Variants in ANKRD24 observed in about 807,000 individuals in gnomAD.
ANKRD24 encodes the protein ankyrin repeat domain 24.
In ANKRD24, 109 loss-of-function variants were observed where a neutral mutation model predicts 127.8. The ratio of observed to expected loss-of-function variants is 0.85; its 90% CI spans 0.73 to 1.00. The LOEUF (loss-of-function observed/expected upper bound fraction) is 1.00, where lower values mean the gene tolerates loss of function less well. ANKRD24 is among the 50% of genes least tolerant of loss of function. The pLI is 0.00. For missense variants in ANKRD24, 1,648 were observed against 1,570.2 expected (o/e 1.05, Z -0.84); for synonymous variants, 743 against 671.1 (o/e 1.11, Z -1.66).
In ANKRD24 at chr19:4,186,372, C is replaced by A. The variant is rs1453872329; in HGVS notation, c.-36-18C>A. 1.3e-6 allele frequency: 2 copies of A among 1,560,116 alleles called. No homozygotes were observed. The highest frequency in any genetic ancestry group is 1.7e-6 in the Non-Finnish European group (2 of 1,152,342). On this transcript the variant is annotated intron_variant, in intron 1 of 21. Transcript: ENST00000318934. ...GGACTGGTGTCCCTCACCTTACCCC[C>A]ACCCTTGCCCTCCTCAGGTGGCCTG... is the stretch of plus-strand genomic sequence containing the variant.
Position 4,196,906 on chromosome 19 carries a change from G to A in ANKRD24, c.37-2777G>A, listed in dbSNP as rs186648859. ...AGGAACCCAAGGCCCCTCCTCTACC[G>A]GAGGAGCCGTGGGTCCCAGGAGTGG... On this transcript the variant is annotated intron_variant, in intron 2 of 21. Coordinates refer to ENST00000318934, the MANE Select transcript of ANKRD24 (RefSeq NM_001393985.1). Among the ~76,000 whole-genome samples the A allele has an allele frequency of 3.7e-4, 57 of 152,268 alleles. 1 individual carries two copies. The highest frequency in any genetic ancestry group is 1.3e-3 in the African/African-American group (54 of 41,552).
At position 4,222,760 on chromosome 19, in the gene ANKRD24, C is replaced by T. The variant is rs200661989; in HGVS notation, c.3262C>T (p.Arg1088Cys). ...ALATPEVEAL[R>C]DQVKDLQQQL... is the part of the protein sequence containing the mutation. ...CGCCACCCCTGAGGTGGAGGCTCTC[C>T]GTGACCAGGTGAAGGATTTACAGCA... The change falls in exon 20 of 22, where the codon CGT (arginine) becomes TGT (cysteine). Residue 1088 changes from arginine (R) to cysteine (C), a missense_variant. Arg to Cys is a radical substitution (Grantham distance 180). Transcript: ENST00000318934. 3.9e-5 allele frequency: 63 copies of T among 1,611,052 alleles called. No homozygotes were observed. In the African/African-American group the frequency reaches 4.1e-4, roughly 11 times the overall value.
In ANKRD24 at chr19:4,224,694, A is replaced by C. The variant is rs924231308; in HGVS notation, c.*189A>C. ...ATCACCCCACCTGGTCTCTGCACGC[A>C]CACACTGGTCAGTCTGGACCCGGGC... On this transcript the variant is annotated 3_prime_UTR_variant, in exon 22 of 22. Coordinates refer to ENST00000318934, the MANE Select transcript of ANKRD24 (RefSeq NM_001393985.1). The C allele has an allele frequency of 2.8e-4, 175 of 626,728 alleles. No individual in the cohort carries two copies. The highest frequency in any genetic ancestry group is 4.7e-4 in the Non-Finnish European group (164 of 351,208). The allele number at this position is 626,728 out of a possible 1,614,324, so 38.8% of individuals were successfully genotyped here.
At position 4,210,139 on chromosome 19, in the gene ANKRD24, G is replaced by A. The variant is rs1157656739; in HGVS notation, c.951+1G>A. 3.7e-6 allele frequency: 6 copies of A among 1,606,392 alleles called. No individual in the cohort carries two copies. Among genetic ancestry groups the A allele is most frequent in the Non-Finnish European group, 5.1e-6 (6 of 1,176,884 alleles). On this transcript the variant is annotated splice_donor_variant, in intron 12 of 21. Coordinates refer to ENST00000318934, the MANE Select transcript of ANKRD24 (RefSeq NM_001393985.1). LOFTEE classifies it high-confidence loss of function. ...ACCTCCCGCCAGCATTCCCATGCCG[G>A]TGAGAGATGCTCTGGGCACGGGAGG...
intron 7 of ANKRD24, 113 bp downstream of exon 7, chr19:4,203,039 C>T (rs961273737): frequency 1.9e-5 from 16 of 829,724 alleles, no homozygotes; most frequent in Non-Finnish European, 2.7e-5. Flanking sequence ...CCTGTCTCCT[C>T]CTTTCTTTCT....
chr19:4,207,027 G>A (rs1053209502), intron 7 of ANKRD24: 2 of 582,714 alleles, frequency 3.4e-6, no homozygotes, highest in East Asian at 2.9e-5. Context: ...CGCTTCAGCT[G>A]GGGACTCCCT....
At chr19:4,196,331 C>T (rs1968732720) in intron 2 of ANKRD24, among the ~76,000 whole-genome samples, 1 of 126,764 alleles carries the variant, frequency 7.9e-6, no homozygotes, top group Non-Finnish European at 1.8e-5. Flanking sequence ...TCTGGAAGAC[C>T]TCGGTTTTGT....
chr19:4,224,312 G>A lies in ANKRD24; in HGVS notation c.3364-116G>A. 3 of 1,414,900 alleles carry A rather than the reference G, an allele frequency of 2.1e-6. No homozygotes were observed. In the South Asian group the frequency reaches 3.8e-5, roughly 18 times the overall value. The allele number at this position is 1,414,900 out of a possible 1,614,324, so 87.6% of individuals were successfully genotyped here. On this transcript the variant is annotated intron_variant, in intron 21 of 21. Transcript: ENST00000318934. Reference sequence around the variant, plus strand: ...TCTGGGGAGAGGTTCGTGGCATGTGGGAGCCCCCCTGTGTGCATTTCCCTC... The same window carrying A: ...TCTGGGGAGAGGTTCGTGGCATGTGAGAGCCCCCCTGTGTGCATTTCCCTC...
Position 4,216,290 on chromosome 19 carries a change from A to T in ANKRD24, c.1277A>T (p.Glu426Val). 6.4e-7 allele frequency: 1 copy of T among 1,553,540 alleles called. No individual in the cohort carries two copies. Among genetic ancestry groups the T allele is most frequent in the Non-Finnish European group, 8.7e-7 (1 of 1,148,278 alleles). The change falls in exon 17 of 22, where the codon GAG (glutamate) becomes GTG (valine). Residue 426 changes from glutamate to valine, a missense_variant. Glu to Val is a moderately radical substitution (Grantham distance 121). Coordinates refer to ENST00000318934, the MANE Select transcript of ANKRD24 (RefSeq NM_001393985.1). ...ACTCTGCGTCCCCCTCCAGGGGCCG[A>T]GGTGCTGCTGTCCAGACAACTCAGT... is the stretch of plus-strand genomic sequence containing the variant. ...EGELPDLPGA[E>V]VLLSRQLSPS...
chr19:4,185,093 C>A (rs1364575681), intron 1 of ANKRD24, among the ~76,000 whole-genome samples: 1 of 114,652 alleles, frequency 8.7e-6, no homozygotes, highest in Admixed American at 8.7e-5. Context: ...ATTGGGTGGG[C>A]AGATGGGTGG....
intron 10 of ANKRD24, 77 bp downstream of exon 10, chr19:4,208,045 G>C (rs998882908): frequency 7.3e-6 from 10 of 1,363,194 alleles, no homozygotes; most frequent in Non-Finnish European, 8.7e-6. Flanking sequence ...ATCGTGAATA[G>C]TTTCAAGGTA....
At chr19:4,207,192 G>A (rs757969630) in intron 7 of ANKRD24, 50 bp from the exon 8 acceptor site, 5 of 1,565,756 alleles carry the variant, frequency 3.2e-6, no homozygotes, top group Non-Finnish European at 4.4e-6. Flanking sequence ...CCAAGGTGCT[G>A]GGATTACAGG....
At chr19:4,200,745 C>T (rs1969053799) in intron 5 of ANKRD24, among the ~76,000 whole-genome samples, 1 of 152,070 alleles carries the variant, frequency 6.6e-6, no homozygotes, top group Non-Finnish European at 1.5e-5. Flanking sequence ...CGGTCTTGAA[C>T]TCCTGGGCTC....
At position 4,195,134 on chromosome 19, in the gene ANKRD24, A is replaced by G. The variant is rs989909901; in HGVS notation, c.37-4549A>G. Reference sequence around the variant, plus strand: ...GTCACCCAGGTTGGAGTGCAGTGGCACGACTTCTGCTCACTGCAAGCTCCG... The same window carrying G: ...GTCACCCAGGTTGGAGTGCAGTGGCGCGACTTCTGCTCACTGCAAGCTCCG... On this transcript the variant is annotated intron_variant, in intron 2 of 21. Coordinates refer to ENST00000318934, the MANE Select transcript of ANKRD24 (RefSeq NM_001393985.1). This position sits in a 1 kb window ranked among gnomAD's most constrained non-coding sequence, Gnocchi z 4.2. Among the ~76,000 whole-genome samples the G allele has an allele frequency of 1.5e-4, 22 of 150,738 alleles. 1 individual carries two copies. Among genetic ancestry groups the G allele is most frequent in the South Asian group, 1.2e-3 (6 of 4,814 alleles).
chr19:4,209,475 A>C (rs1322639603), intron 11 of ANKRD24, among the ~76,000 whole-genome samples: 1 of 147,698 alleles, frequency 6.8e-6, no homozygotes, highest in Non-Finnish European at 1.5e-5. Context: ...TGAGAGATGG[A>C]GTCTCGCCCT....
At chr19:4,191,010 A>G (rs1968353832) in intron 2 of ANKRD24, among the ~76,000 whole-genome samples, 1 of 152,142 alleles carries the variant, frequency 6.6e-6, no homozygotes, top group Admixed American at 6.6e-5. Context: ...GGTCGGGACA[A>G]AGTCAAAATT....
chr19:4,204,032 C>T (rs1246575477), intron 7 of ANKRD24, among the ~76,000 whole-genome samples: 2 of 133,606 alleles, frequency 1.5e-5, no homozygotes, highest in African/African-American at 5.5e-5. Flanking sequence ...GGCGTGATCT[C>T]GGCTCACTGC....
rs769916452 is a variant in ANKRD24, at chr19:4,219,772, C to G, written c.3171+14C>G. 6.3e-7 allele frequency: 1 copy of G among 1,587,466 alleles called. No homozygotes were observed. Among genetic ancestry groups the G allele is most frequent in the South Asian group, 1.1e-5 (1 of 88,850 alleles). The stretch of plus-strand genomic sequence containing the variant: ...AAGGACAAGAAGGTGGGTGCCCCCT[C>G]TCCCACACTCAGTCAGGGAGGCATC... On this transcript the variant is annotated intron_variant, in intron 19 of 21. Coordinates refer to ENST00000318934, the MANE Select transcript of ANKRD24 (RefSeq NM_001393985.1).
chr19:4,217,753 G>A lies in ANKRD24; in HGVS notation c.2593G>A (p.Glu865Lys). The A allele has an allele frequency of 7.7e-7, 1 of 1,300,286 alleles. No individual in the cohort carries two copies. Among genetic ancestry groups the A allele is most frequent in the Non-Finnish European group, 9.7e-7 (1 of 1,028,266 alleles). The allele number at this position is 1,300,286 out of a possible 1,614,324, so 80.5% of individuals were successfully genotyped here. The change falls in exon 18 of 22, where the codon GAG (glutamate) becomes AAG (lysine). Residue 865 changes from glutamate to lysine, a missense_variant. Glu to Lys is a moderately conservative substitution (Grantham distance 56, BLOSUM62 1). Transcript: ENST00000318934. The stretch of plus-strand genomic sequence containing the variant: ...GCTGGCCACGGCCAGGGCCACGGGG[G>A]AGCAGCAGCGCACGGCGGCCGCGGA... ...EQLATARATG[E>K]QQRTAAAELG...
Sources: gnomAD v4.1 joint callset for allele counts (sites outside exome capture counted in the v4.1 genomes callset) on GRCh38, gnomAD v4.1.1 for gene constraint, Gnocchi (gnomAD v3.1) non-coding constraint, MANE v1.5 for transcripts, NCBI Gene and HGNC (gene_info 2026-07-23, HGNC 2026-07-21) for gene names.